The following TOPAZ1 variants were observed in gnomAD, a reference collection of about 807,000 sequenced individuals.
The protein encoded by TOPAZ1 is testis and ovary specific TOPAZ 1, also known as protein TOPAZ1.
A neutral mutation model predicts 172.2 loss-of-function variants in TOPAZ1; 66 were observed. The ratio of observed to expected loss-of-function variants is 0.38; its 90% CI spans 0.31 to 0.47. The LOEUF (loss-of-function observed/expected upper bound fraction) is 0.47, where lower values mean the gene tolerates loss of function less well. TOPAZ1 is among the 20% of genes least tolerant of loss of function. The probability of loss-of-function intolerance (pLI) is 0.99; values close to 1 mark genes in which losing one functional copy is unlikely to be tolerated. For missense variants in TOPAZ1, 1,822 were observed against 1,972.4 expected (o/e 0.92, Z 1.44); for synonymous variants, 681 against 683.9 (o/e 1.00, Z 0.07).
At chr3:44,334,598 G>A (rs949391262), downstream of TOPAZ1, among the ~76,000 whole-genome samples, 4 of 152,258 alleles carry the variant, frequency 2.6e-5, no homozygotes, top group South Asian at 4.1e-4. Context: ...CATTAAAGAG[G>A]CAGGGACCAA....
intron 5 of TOPAZ1, among the ~76,000 whole-genome samples, chr3:44,263,322 A>G (rs1385340470): frequency 6.6e-6 from 1 of 152,206 alleles, no homozygotes; most frequent in Non-Finnish European, 1.5e-5. Flanking sequence ...TTTGCTTACA[A>G]ACTAACATAG....
At chr3:44,253,765 CT>C (rs1398889743) in intron 2 of TOPAZ1, among the ~76,000 whole-genome samples, 1 of 152,164 alleles carries the variant, frequency 6.6e-6, no homozygotes, top group Non-Finnish European at 1.5e-5. Context: ...GGAAAAAATA[CT>C]TTGTTTTCTA....
At chr3:44,326,376 G>A (rs1301802092) in intron 18 of TOPAZ1, among the ~76,000 whole-genome samples, 1 of 152,118 alleles carries the variant, frequency 6.6e-6, no homozygotes, top group Non-Finnish European at 1.5e-5. Flanking sequence ...TATCATTACA[G>A]TTTTGGTTTT....
chr3:44,324,518 A>G (rs1203773876), intron 18 of TOPAZ1, among the ~76,000 whole-genome samples: 1 of 152,132 alleles, frequency 6.6e-6, no homozygotes, highest in African/African-American at 2.4e-5. Flanking sequence ...AGGTGTTTAT[A>G]TGCCACAGGA....
chr3:44,281,089 C>T (rs1386645470), intron 8 of TOPAZ1, among the ~76,000 whole-genome samples: 1 of 152,170 alleles, frequency 6.6e-6, no homozygotes, highest in Admixed American at 6.5e-5. Context: ...GGAGTGTGGA[C>T]CACTGGGGGT....
At chr3:44,324,225 T>C (rs547728688) in intron 18 of TOPAZ1, among the ~76,000 whole-genome samples, 1 of 152,226 alleles carries the variant, frequency 6.6e-6, no homozygotes, top group East Asian at 1.9e-4. Context: ...TACTGGGTCA[T>C]TATGCAAAAT....
intron 18 of TOPAZ1, 89 bp downstream of exon 18, chr3:44,323,384 A>T: frequency 1.2e-6 from 1 of 807,546 alleles, no homozygotes; most frequent in East Asian, 2.9e-5. Context: ...AGATATTTAT[A>T]TGTATTAAAA....
chr3:44,301,185 A>G (rs1032521605), intron 12 of TOPAZ1, among the ~76,000 whole-genome samples: 1 of 152,192 alleles, frequency 6.6e-6, no homozygotes, highest in African/African-American at 2.4e-5. Flanking sequence ...GTAGAAATGG[A>G]ACAGTTGCAG....
At chr3:44,335,399 T>G (rs112846053), downstream of TOPAZ1, among the ~76,000 whole-genome samples, 9 of 151,780 alleles carry the variant, frequency 5.9e-5, no homozygotes, top group African/African-American at 2.2e-4. Context: ...GCTGAGGCAG[T>G]CAGATCACGA....
At chr3:44,327,852 C>A (rs962544536) in intron 18 of TOPAZ1, among the ~76,000 whole-genome samples, 7 of 152,062 alleles carry the variant, frequency 4.6e-5, no homozygotes, top group Non-Finnish European at 1.0e-4. Flanking sequence ...TCAAGTGATT[C>A]TCCTGACTCA....
downstream of TOPAZ1, among the ~76,000 whole-genome samples, chr3:44,336,086 C>T (rs751604136): frequency 3.3e-5 from 5 of 152,198 alleles, 1 homozygote; most frequent in Admixed American, 6.5e-5. Flanking sequence ...TTGTTGAATA[C>T]TAATACTGTA....
intron 2 of TOPAZ1, among the ~76,000 whole-genome samples, chr3:44,249,533 C>G (rs1699605262): frequency 6.6e-6 from 1 of 152,110 alleles, no homozygotes; most frequent in Non-Finnish European, 1.5e-5. Context: ...GGTAGAATCC[C>G]TTATGCATTC....
chr3:44,331,146 A>T (rs1700663233), intron 19 of TOPAZ1, among the ~76,000 whole-genome samples: 1 of 152,238 alleles, frequency 6.6e-6, no homozygotes, highest in South Asian at 2.1e-4. Context: ...ACAAAGATTT[A>T]GGTAATTAGC....
chr3:44,248,441 CAAACTT>C (rs1699591667), intron 2 of TOPAZ1, among the ~76,000 whole-genome samples: 1 of 152,038 alleles, frequency 6.6e-6, no homozygotes, highest in South Asian at 2.1e-4. Context: ...TGTTTTTAAA[CAAACTT>C]AAACATTTTC....
At chr3:44,288,620 G>A (rs1700104139) in intron 11 of TOPAZ1, among the ~76,000 whole-genome samples, 1 of 152,150 alleles carries the variant, frequency 6.6e-6, no homozygotes, top group African/African-American at 2.4e-5. Flanking sequence ...GGGAGGCGGA[G>A]GTTGCAGTGA....
chr3:44,261,513 G>A (rs1362205666), intron 4 of TOPAZ1, among the ~76,000 whole-genome samples: 3 of 151,998 alleles, frequency 2.0e-5, no homozygotes, highest in South Asian at 2.1e-4. Flanking sequence ...CTATTGGTCC[G>A]TGTATCTGTT....
At chr3:44,282,298 T>C (rs1454644863) in intron 9 of TOPAZ1, among the ~76,000 whole-genome samples, 1 of 152,210 alleles carries the variant, frequency 6.6e-6, no homozygotes, top group African/African-American at 2.4e-5. Flanking sequence ...AATGGTATTG[T>C]TAATTAGTCT....
chr3:44,326,060 A>AT (rs1282344827), intron 18 of TOPAZ1, among the ~76,000 whole-genome samples: 2 of 152,122 alleles, frequency 1.3e-5, no homozygotes, highest in African/African-American at 4.8e-5. Flanking sequence ...CTGTTTATTC[A>AT]TTGGTTGATG....
At chr3:44,300,342 C>G (rs922251575) in intron 12 of TOPAZ1, among the ~76,000 whole-genome samples, 1 of 151,738 alleles carries the variant, frequency 6.6e-6, no homozygotes, top group Non-Finnish European at 1.5e-5. Flanking sequence ...GCTGAGGCTC[C>G]AAGAGAATCA....
Sources: gnomAD v4.1 joint callset for allele counts (sites outside exome capture counted in the v4.1 genomes callset) on GRCh38, gnomAD v4.1.1 for gene constraint, MANE v1.5 for transcripts, NCBI Gene and HGNC (gene_info 2026-07-23, HGNC 2026-07-21) for gene names.